COASY: variants seen among roughly 807,000 people sequenced by gnomAD.
The protein encoded by COASY is Coenzyme A synthase.
In COASY, 31 loss-of-function variants were observed where a neutral mutation model predicts 49.4. The ratio of observed to expected loss-of-function variants is 0.63; its 90% CI spans 0.47 to 0.85. COASY has a LOEUF of 0.85. COASY is among the 40% of genes least tolerant of loss of function. The pLI is 0.00. For missense variants in COASY, 730 were observed against 734.1 expected (o/e 0.99, Z 0.06); for synonymous variants, 285 against 310.9 (o/e 0.92, Z 0.88).
In COASY at chr17:42,565,558, C is replaced by G. The variant is rs775706381; in HGVS notation, c.1475C>G (p.Pro492Arg). The G allele has an allele frequency of 1.2e-6, 2 of 1,614,070 alleles. No individual in the cohort carries two copies. The highest frequency in any genetic ancestry group is 1.7e-6 in the Non-Finnish European group (2 of 1,180,018). ...CATGAGGTGTGGACTGCTGTCATCC[C>G]AGAGACTGAGGTATCTCGCCCCACC... is the stretch of plus-strand genomic sequence containing the variant. The part of the protein sequence containing the change: ...LVHEVWTAVI[P>R]ETEAVRRIVE... Residue 492 changes from proline to arginine, a missense_variant, in exon 7 of 9, where the codon CCA becomes CGA. By Grantham distance (103) the Pro-to-Arg change is moderately radical. Coordinates refer to ENST00000393818, the MANE Select transcript of COASY (RefSeq NM_025233.7).
intron 1 of COASY, chr17:42,563,668 C>T: frequency 1.9e-6 from 1 of 518,692 alleles, no homozygotes; most frequent in South Asian, 2.7e-5. Context: ...TCAAGCATGG[C>T]ATGGGTCTTG....
In COASY at chr17:42,563,064, G is replaced by T; in HGVS notation, c.442G>T (p.Ala148Ser). 1 of 1,614,148 alleles carries T rather than the reference G, an allele frequency of 6.2e-7. No individual in the cohort carries two copies. Among genetic ancestry groups the T allele is most frequent in the African/African-American group, 1.3e-5 (1 of 75,058 alleles). ...TSCYSCCPRL[A>S]SVLLYSDYGI... Reference sequence around the variant, plus strand: ...CTGTTACAGCTGTTGTCCGCGACTGGCCTCGGTGCTGCTATACTCCGATTA... The same window carrying T: ...CTGTTACAGCTGTTGTCCGCGACTGTCCTCGGTGCTGCTATACTCCGATTA... Residue 148 changes from alanine (A) to serine (S), a missense_variant, in exon 1 of 9, where the codon GCC becomes TCC. Transcript: ENST00000393818.
rs2092986170 is a variant in COASY at position 42,563,218 on chromosome 17, C to T, written c.596C>T (p.Thr199Met). The T allele has an allele frequency of 2.5e-6, 4 of 1,613,674 alleles. No homozygotes were observed. Among genetic ancestry groups the T allele is most frequent in the Non-Finnish European group, 3.4e-6 (4 of 1,180,012 alleles). ...TACTACCGTGGCGCTGTCGGTGGCA[C>T]GTTTGACCGCCTGCACAACGCCCAC... ...RGYYRGAVGG[T>M]FDRLHNAHKV... Residue 199 changes from threonine (T) to methionine (M), a missense_variant, in exon 1 of 9, where the codon ACG (threonine) becomes ATG (methionine). Thr to Met is a moderately conservative substitution (Grantham distance 81). Transcript: ENST00000393818.
Position 42,565,532 on chromosome 17 carries a change from C to T in COASY, c.1449C>T (p.Val483=). 2 of 1,614,180 alleles carry T rather than the reference C, an allele frequency of 1.2e-6. No individual in the cohort carries two copies. The highest frequency in any genetic ancestry group is 4.5e-5 in the East Asian group (2 of 44,884). The part of the protein sequence containing the change: ...VLLEAGWQNL[V]HEVWTAVIPE... The stretch of plus-strand genomic sequence containing the variant: ...TTGAAGCCGGCTGGCAGAACCTGGT[C>T]CATGAGGTGTGGACTGCTGTCATCC... The change falls in exon 7 of 9, where the codon GTC becomes GTT. Residue 483 remains valine (V), a synonymous_variant. Transcript: ENST00000393818.
In COASY at chr17:42,562,488, G is replaced by A; in HGVS notation, c.-135G>A. On this transcript the variant is annotated 5_prime_UTR_variant, in exon 1 of 9. Transcript: ENST00000393818. ...CCGTCCCCTCCCCCGGCTCCTGTCG[G>A]TCAGCACTGAAACCCCGTCCCTGCT... The A allele has an allele frequency of 1.2e-6, 2 of 1,613,562 alleles. No individual in the cohort carries two copies. The highest frequency in any genetic ancestry group is 1.1e-5 in the South Asian group (1 of 91,074).
Position 42,564,912 on chromosome 17 carries a change from A to C in COASY, c.1237+14A>C. ...CCTTTGGAACAGGTAATAACTGGGG[A>C]AGGCTGAAAGTGGCCTGGAGTGAGG... On this transcript the variant is annotated intron_variant, in intron 4 of 8. Coordinates refer to ENST00000393818, the MANE Select transcript of COASY (RefSeq NM_025233.7). The C allele has an allele frequency of 6.2e-7, 1 of 1,613,670 alleles. No individual in the cohort carries two copies. The highest frequency in any genetic ancestry group is 8.5e-7 in the Non-Finnish European group (1 of 1,179,724).
rs1294921238 is a variant in COASY, at chr17:42,564,743, T to C, written c.1082T>C (p.Ile361Thr). Reference sequence around the variant, plus strand: ...GAGCTCCCCACATGTCTCTATGTAATTGGGCTGACTGGCATCAGTGGCTCT... The same window carrying C: ...GAGCTCCCCACATGTCTCTATGTAACTGGGCTGACTGGCATCAGTGGCTCT... Reference protein sequence around the residue: ...RPELPTCLYVIGLTGISGSGK... With the variant: ...RPELPTCLYVTGLTGISGSGK... Residue 361 changes from isoleucine (I) to threonine (T), a missense_variant, in exon 4 of 9, where the codon ATT becomes ACT. Coordinates refer to ENST00000393818, the MANE Select transcript of COASY (RefSeq NM_025233.7). 1 of 1,528,810 alleles carries C rather than the reference T, an allele frequency of 6.5e-7. No individual in the cohort carries two copies. The highest frequency in any genetic ancestry group is 1.3e-5 in the South Asian group (1 of 75,730). 94.7% of individuals were successfully genotyped at this position (1,528,810 alleles called of 1,614,324 possible).
chr17:42,563,443 C>T, intron 1 of COASY, 121 bp downstream of exon 1: 1 of 951,640 alleles, frequency 1.1e-6, no homozygotes, highest in Non-Finnish European at 1.5e-6. Context: ...CCAAATGTCA[C>T]AGTGGTTGAC....
rs574491277 is a variant in COASY at position 42,562,327 on chromosome 17, C to T, written c.-296C>T. On this transcript the variant is annotated 5_prime_UTR_variant, in exon 1 of 9. Coordinates refer to ENST00000393818, the MANE Select transcript of COASY (RefSeq NM_025233.7). ...AAGAGGGCCCAGGATTTTTGGATCC[C>T]CAGCCCTGTGACAAGGGTTCCTGTC... 2 of 1,320,886 alleles carry T rather than the reference C, an allele frequency of 1.5e-6. No homozygotes were observed. Among genetic ancestry groups the T allele is most frequent in the African/African-American group, 1.4e-5 (1 of 69,076 alleles). 81.8% of individuals were successfully genotyped at this position (1,320,886 alleles called of 1,614,324 possible).
At position 42,563,998 on chromosome 17, in the gene COASY, A is replaced by G. The variant is rs760194932; in HGVS notation, c.738A>G (p.Glu246=). 6.2e-7 allele frequency: 1 copy of G among 1,613,834 alleles called. No homozygotes were observed. Among genetic ancestry groups the G allele is most frequent in the Non-Finnish European group, 8.5e-7 (1 of 1,179,858 alleles). ...LLPELLQPYT[E]RVEHLSEFLV... ...CTGAGCTGCTCCAACCTTATACAGA[A>G]CGTGTGGAACATCTGAGTGAATTCC... Residue 246 remains glutamate (E), a synonymous_variant, in exon 2 of 9, where the codon GAA becomes GAG. Transcript: ENST00000393818.
intron 5 of COASY, 66 bp downstream of exon 5, chr17:42,565,113 C>A: frequency 6.3e-7 from 1 of 1,586,066 alleles, no homozygotes; most frequent in Non-Finnish European, 8.7e-7. Flanking sequence ...TCCAGTGGAC[C>A]TCTCTGGTCT....
chr17:42,563,578 G>A, intron 1 of COASY: 2 of 542,950 alleles, frequency 3.7e-6, no homozygotes, highest in Non-Finnish European at 6.5e-6. Flanking sequence ...AGTTTTCCAG[G>A]TGATACACCC....
At chr17:42,564,320 G>T (rs779508936) in intron 2 of COASY, 126 bp from the exon 3 acceptor site, 20 of 1,505,062 alleles carry the variant, frequency 1.3e-5, no homozygotes, top group Non-Finnish European at 9.2e-7. Flanking sequence ...CTGGTTCTCA[G>T]TTTGCCCGCT....
Position 42,563,181 on chromosome 17 carries a change from C to T in COASY, c.559C>T (p.Pro187Ser). The T allele has an allele frequency of 6.2e-7, 1 of 1,613,964 alleles. No homozygotes were observed. Among genetic ancestry groups the T allele is most frequent in the South Asian group, 1.1e-5 (1 of 91,084 alleles). Residue 187 changes from proline to serine, a missense_variant, in exon 1 of 9, where the codon CCG becomes TCG. Transcript: ENST00000393818. ...CCCCGTGGCCGGGTCTCCAAAGCAG[C>T]CGGTGCGTGGCTACTACCGTGGCGC... Reference protein sequence around the residue: ...ASPVAGSPKQPVRGYYRGAVG... With the variant: ...ASPVAGSPKQSVRGYYRGAVG...
rs2092985713 is a variant in COASY at position 42,563,177 on chromosome 17, G to A, written c.555G>A (p.Lys185=). The A allele has an allele frequency of 6.2e-7, 1 of 1,613,918 alleles. No homozygotes were observed. Among genetic ancestry groups the A allele is most frequent in the African/African-American group, 1.3e-5 (1 of 75,060 alleles). ...RPASPVAGSP[K]QPVRGYYRGA... Reference sequence around the variant, plus strand: ...CTTCCCCCGTGGCCGGGTCTCCAAAGCAGCCGGTGCGTGGCTACTACCGTG... The same window carrying A: ...CTTCCCCCGTGGCCGGGTCTCCAAAACAGCCGGTGCGTGGCTACTACCGTG... The change falls in exon 1 of 9, where the codon AAG becomes AAA. Residue 185 remains lysine, a synonymous_variant. Transcript: ENST00000393818.
At chr17:42,563,523 A>C in intron 1 of COASY, 1 of 590,764 alleles carries the variant, frequency 1.7e-6, no homozygotes, top group Non-Finnish European at 3.0e-6. Flanking sequence ...TCACCACTCA[A>C]TCAGAATACC....
chr17:42,563,972 C>CCTGAG lies in COASY; in HGVS notation c.716_720dup (p.Leu241SerfsTer13), dbSNP rs1420865909. On this transcript the variant is annotated frameshift_variant, in exon 2 of 9. Transcript: ENST00000393818. LOFTEE classifies it high-confidence loss of function. ...GGCTCCTTCCCCAGGCAAGTTGCTC[C>CCTGAG]CTGAGCTGCTCCAACCTTATACAGA... is the stretch of plus-strand genomic sequence containing the variant. 6.2e-7 allele frequency: 1 copy of CCTGAG among 1,607,136 alleles called. No individual in the cohort carries two copies. Among genetic ancestry groups the CCTGAG allele is most frequent in the African/African-American group, 1.3e-5 (1 of 74,824 alleles).
At chr17:42,564,671 G>GC in intron 3 of COASY, 38 bp from the exon 4 acceptor site, 1 of 1,530,486 alleles carries the variant, frequency 6.5e-7, no homozygotes, top group Non-Finnish European at 8.8e-7. Flanking sequence ...GAGGCTGAGG[G>GC]CCCCAGTAAC....
Position 42,565,823 on chromosome 17 carries a change from G to T in COASY, c.1632+18G>T. ...AACGCCAGGTTGGTGCCCAGGGCAA[G>T]GCCGGGTTGTGGGGAAGGAGTCTCC... On this transcript the variant is annotated intron_variant, in intron 8 of 8. Transcript: ENST00000393818. 6.2e-7 allele frequency: 1 copy of T among 1,613,938 alleles called. No homozygotes were observed. Among genetic ancestry groups the T allele is most frequent in the Non-Finnish European group, 8.5e-7 (1 of 1,179,982 alleles).
Sources: allele counts gnomAD v4.1 joint callset, GRCh38; gene constraint gnomAD v4.1.1; transcripts MANE v1.5; gene names NCBI Gene and HGNC (gene_info 2026-07-23, HGNC 2026-07-21).